The following AHR variants were observed in gnomAD, a reference collection of about 807,000 sequenced individuals.
The protein encoded by AHR is AH-receptor.
In AHR, 40 loss-of-function variants were observed where a neutral mutation model predicts 86.8. The ratio of observed to expected loss-of-function variants is 0.46; its 90% CI spans 0.36 to 0.60. The LOEUF (loss-of-function observed/expected upper bound fraction) is 0.60, where lower values mean the gene tolerates loss of function less well. Among genes scored for constraint, AHR ranks in the 20% least tolerant of loss-of-function variants. The pLI is 0.00. For synonymous variants in AHR, 398 were observed against 354.9 expected (o/e 1.12, Z -1.37); for missense variants, 1,001 against 1,011.6 (o/e 0.99, Z 0.14).
intron 3 of AHR, 79 bp downstream of exon 3, chr7:17,322,686 C>A: frequency 1.0e-6 from 1 of 958,050 alleles, no homozygotes; most frequent in Non-Finnish European, 1.6e-6. Flanking sequence ...TTTAGTAATT[C>A]CCTGTTTACT....
At chr7:17,327,206 A>T (rs1025608342) in intron 3 of AHR, among the ~76,000 whole-genome samples, 8 of 152,078 alleles carry the variant, frequency 5.3e-5, no homozygotes, top group Non-Finnish European at 1.0e-4. Flanking sequence ...AGTGGACTAA[A>T]TTCACTGTAT....
Position 17,298,801 on chromosome 7 carries a change from G to T in AHR, c.-464G>T. 2.5e-6 allele frequency: 1 copy of T among 398,332 alleles called. No individual in the cohort carries two copies. Among genetic ancestry groups the T allele is most frequent in the Non-Finnish European group, 4.4e-6 (1 of 225,892 alleles). 24.7% of individuals were successfully genotyped at this position (398,332 alleles called of 1,614,324 possible). Reference sequence around the variant, plus strand: ...AGCTCCGCAGGCGGGAAGCACCCTGGATTTAGGAAGTCCCGGGAGCAGCGC... The same window carrying T: ...AGCTCCGCAGGCGGGAAGCACCCTGTATTTAGGAAGTCCCGGGAGCAGCGC... On this transcript the variant is annotated 5_prime_UTR_variant, in exon 1 of 11. Coordinates refer to ENST00000242057, the MANE Select transcript of AHR (RefSeq NM_001621.5).
intron 3 of AHR, among the ~76,000 whole-genome samples, chr7:17,325,281 A>C (rs1782216608): frequency 6.6e-6 from 1 of 152,198 alleles, no homozygotes; most frequent in South Asian, 2.1e-4. Context: ...CATTTGTCTA[A>C]AGAGATTTGA....
chr7:17,304,485 G>A (rs1781985996), intron 1 of AHR, among the ~76,000 whole-genome samples: 2 of 152,122 alleles, frequency 1.3e-5, no homozygotes, highest in African/African-American at 4.8e-5. Flanking sequence ...ATCGGAGACA[G>A]AGTTTGTGTT....
At chr7:17,312,218 C>T (rs1371651146) in intron 2 of AHR, among the ~76,000 whole-genome samples, 8 of 152,168 alleles carry the variant, frequency 5.3e-5, no homozygotes, top group Non-Finnish European at 7.3e-5. Flanking sequence ...ATGTGTAAGA[C>T]GTGGTTGCCA....
chr7:17,332,237 CAAT>C (rs1357833443), intron 6 of AHR, among the ~76,000 whole-genome samples: 1 of 151,858 alleles, frequency 6.6e-6, no homozygotes, highest in Non-Finnish European at 1.5e-5. Flanking sequence ...GAAAATAAAA[CAAT>C]AATAAATCAC....
chr7:17,340,242 C>T lies in AHR; in HGVS notation c.2403+14C>T. 1.9e-6 allele frequency: 3 copies of T among 1,573,008 alleles called. No homozygotes were observed. In the South Asian group the frequency reaches 3.5e-5, roughly 18 times the overall value. On this transcript the variant is annotated intron_variant, in intron 10 of 10. Transcript: ENST00000242057. Reference sequence around the variant, plus strand: ...TTTTTAAACAAGGTAAGGGTGTTATCAAACTGAATTAAATCTTTCAGTGAT... The same window carrying T: ...TTTTTAAACAAGGTAAGGGTGTTATTAAACTGAATTAAATCTTTCAGTGAT...
In AHR at chr7:17,299,009, C is replaced by A; in HGVS notation, c.-256C>A. On this transcript the variant is annotated 5_prime_UTR_variant, in exon 1 of 11. Coordinates refer to ENST00000242057, the MANE Select transcript of AHR (RefSeq NM_001621.5). ...GACGGCACCTGCGCCGCCTTGCTCG[C>A]GGGTCTCCGCCCCTCGCCCACCCTC... 2.1e-6 allele frequency: 1 copy of A among 465,296 alleles called. No homozygotes were observed. Among genetic ancestry groups the A allele is most frequent in the Non-Finnish European group, 3.7e-6 (1 of 268,670 alleles). The allele number at this position is 465,296 out of a possible 1,614,324, so 28.8% of individuals were successfully genotyped here.
At chr7:17,299,433 A>G (rs912996229) in intron 1 of AHR, 104 bp downstream of exon 1, 24 of 1,319,972 alleles carry the variant, frequency 1.8e-5, no homozygotes, top group African/African-American at 9.0e-5. Flanking sequence ...TCCTGGGATT[A>G]GGTCCATTCC....
chr7:17,314,699 A>G (rs1052375376), intron 2 of AHR, among the ~76,000 whole-genome samples: 1 of 152,078 alleles, frequency 6.6e-6, no homozygotes, highest in African/African-American at 2.4e-5. Context: ...CAAGCAGTAA[A>G]AATGAAGTAA....
intron 3 of AHR, among the ~76,000 whole-genome samples, chr7:17,326,423 C>CT (rs1475714159): frequency 6.6e-6 from 1 of 152,120 alleles, no homozygotes; most frequent in Non-Finnish European, 1.5e-5. Context: ...CTTGTTAACT[C>CT]TTAAATCCCA....
chr7:17,329,450 G>A (rs1257950085), intron 4 of AHR, among the ~76,000 whole-genome samples: 2 of 151,912 alleles, frequency 1.3e-5, no homozygotes, highest in African/African-American at 4.8e-5. Context: ...GAGAAGGAAA[G>A]TGGGTTTAAT....
At chr7:17,307,727 G>A (rs1371697853) in intron 1 of AHR, among the ~76,000 whole-genome samples, 1 of 152,076 alleles carries the variant, frequency 6.6e-6, no homozygotes, top group Non-Finnish European at 1.5e-5. Flanking sequence ...CTGGCATCCC[G>A]GAATCCTAAC....
chr7:17,319,527 T>C (rs1162895933), intron 2 of AHR, among the ~76,000 whole-genome samples: 1 of 152,100 alleles, frequency 6.6e-6, no homozygotes, highest in Non-Finnish European at 1.5e-5. Context: ...GTCAGTCTCA[T>C]AGAACTATTA....
chr7:17,316,678 A>C (rs1284500204), intron 2 of AHR, among the ~76,000 whole-genome samples: 2 of 152,150 alleles, frequency 1.3e-5, no homozygotes, highest in Non-Finnish European at 2.9e-5. Flanking sequence ...AATTGTACCT[A>C]CTGAATTCTT....
chr7:17,315,376 A>G (rs1782105103), intron 2 of AHR, among the ~76,000 whole-genome samples: 1 of 152,064 alleles, frequency 6.6e-6, no homozygotes, highest in Admixed American at 6.6e-5. Context: ...TGAAGAACAC[A>G]GTGACAAATA....
chr7:17,334,173 C>G (rs1782331031), intron 7 of AHR, 59 bp downstream of exon 7: 3 of 1,435,310 alleles, frequency 2.1e-6, no homozygotes, highest in East Asian at 2.3e-5. Context: ...CAGTAAGTCT[C>G]TCTTAGCATG....
Position 17,342,997 on chromosome 7 carries a change from T to A in AHR, c.2480T>A (p.Leu827His). 1 of 1,613,886 alleles carries A rather than the reference T, an allele frequency of 6.2e-7. No individual in the cohort carries two copies. The highest frequency in any genetic ancestry group is 8.5e-7 in the Non-Finnish European group (1 of 1,179,778). Residue 827 changes from leucine to histidine, a missense_variant, in exon 11 of 11, where the codon CTT becomes CAT. This residue lies in a region of AHR where 607 missense variants were observed against 543.1 expected (regional missense o/e 1.12). Transcript: ENST00000242057. ...AATAACACTCAGACTACCACACATCTTCAGCCACTTCATCATCCGTCAGAA... is the reference window on the plus strand; with the variant it reads ...AATAACACTCAGACTACCACACATCATCAGCCACTTCATCATCCGTCAGAA... ...NINNTQTTTH[L>H]QPLHHPSEAR...
chr7:17,314,255 A>T (rs1316847649), intron 2 of AHR, among the ~76,000 whole-genome samples: 1 of 152,096 alleles, frequency 6.6e-6, no homozygotes, highest in Non-Finnish European at 1.5e-5. Context: ...TTTTAAAACA[A>T]GGTAATGTTA....
Sources: gnomAD v4.1 joint callset for allele counts (sites outside exome capture counted in the v4.1 genomes callset) on GRCh38, gnomAD v4.1.1 for gene constraint, gnomAD v4.1.1 regional missense constraint, MANE v1.5 for transcripts, NCBI Gene and HGNC (gene_info 2026-07-23, HGNC 2026-07-21) for gene names.